Variants in LY86 observed in about 807,000 individuals in gnomAD.
LY86 encodes the protein lymphocyte antigen 86.
A neutral mutation model predicts 17.3 loss-of-function variants in LY86; 20 were observed. That is an observed-to-expected ratio of 1.15 (90% CI 0.81 to 1.68). The LOEUF is 1.68. LY86 is among the 40% of genes most tolerant of loss of function. LY86 has a pLI of 0.00. For synonymous variants in LY86, 74 were observed against 70.6 expected (o/e 1.05, Z -0.24); for missense variants, 200 against 191.9 (o/e 1.04, Z -0.25).
At chr6:6,598,242 A>G (rs1760780600) in intron 1 of LY86, among the ~76,000 whole-genome samples, 2 of 152,096 alleles carry the variant, frequency 1.3e-5, no homozygotes, top group Admixed American at 6.5e-5. Flanking sequence ...AATTTGTCTT[A>G]TAAATTTCAA....
At chr6:6,606,799 C>T (rs893326854) in intron 1 of LY86, among the ~76,000 whole-genome samples, 6 of 152,372 alleles carry the variant, frequency 3.9e-5, no homozygotes, top group Admixed American at 3.3e-4. Flanking sequence ...TTCCCGCTTA[C>T]GCCTCTCCCT....
intron 3 of LY86, among the ~76,000 whole-genome samples, chr6:6,644,951 T>C (rs2113160847): frequency 6.6e-6 from 1 of 152,230 alleles, no homozygotes; most frequent in East Asian, 1.9e-4. Flanking sequence ...CTCAAGAACT[T>C]CATGAGCCCC....
chr6:6,596,350 C>T (rs1760712084), intron 1 of LY86, among the ~76,000 whole-genome samples: 1 of 152,042 alleles, frequency 6.6e-6, no homozygotes, highest in Non-Finnish European at 1.5e-5. Flanking sequence ...TCCTCAGAAC[C>T]TAATAATTCT....
At chr6:6,639,701 C>T (rs1351930088) in intron 3 of LY86, among the ~76,000 whole-genome samples, 1 of 152,152 alleles carries the variant, frequency 6.6e-6, no homozygotes, top group African/African-American at 2.4e-5. Context: ...CCCCCTGGGC[C>T]ACACAGGGTA....
intron 1 of LY86, among the ~76,000 whole-genome samples, chr6:6,604,590 TA>T (rs1270582868): frequency 6.7e-6 from 1 of 150,098 alleles, no homozygotes; most frequent in Admixed American, 6.6e-5. Context: ...TAGAAGAAAA[TA>T]GGGGAAAAGG....
chr6:6,650,036 G>C (rs1406887099), intron 4 of LY86, among the ~76,000 whole-genome samples: 3 of 152,188 alleles, frequency 2.0e-5, no homozygotes, highest in Admixed American at 6.5e-5. Context: ...GCTGGGCTGT[G>C]TGGGCGGCAC....
chr6:6,601,949 T>C (rs1402052274), intron 1 of LY86, among the ~76,000 whole-genome samples: 1 of 152,188 alleles, frequency 6.6e-6, no homozygotes, highest in Admixed American at 6.5e-5. Context: ...GTTTCAACAT[T>C]GCGCAGACCA....
At chr6:6,602,870 T>C (rs770623306) in intron 1 of LY86, among the ~76,000 whole-genome samples, 5 of 152,146 alleles carry the variant, frequency 3.3e-5, no homozygotes, top group Admixed American at 6.5e-5. Flanking sequence ...AGCAAAGAGT[T>C]ATAGGTGTTT....
chr6:6,626,993 G>T (rs1177895797), intron 3 of LY86, among the ~76,000 whole-genome samples: 1 of 152,164 alleles, frequency 6.6e-6, no homozygotes, highest in Non-Finnish European at 1.5e-5. Flanking sequence ...CAGCCTTGAA[G>T]AAAGGGCAGG....
At chr6:6,613,873 A>G (rs1284855877) in intron 1 of LY86, among the ~76,000 whole-genome samples, 1 of 152,228 alleles carries the variant, frequency 6.6e-6, no homozygotes, top group African/African-American at 2.4e-5. Context: ...ACACTTAACC[A>G]GCTCCCACAG....
intron 4 of LY86, among the ~76,000 whole-genome samples, chr6:6,653,996 C>G (rs1762224085): frequency 6.6e-6 from 1 of 152,180 alleles, no homozygotes; most frequent in South Asian, 2.1e-4. Flanking sequence ...CCTCTCCTGA[C>G]CAGAGTCCCT....
chr6:6,651,220 T>C (rs1277371261), intron 4 of LY86, among the ~76,000 whole-genome samples: 2 of 152,232 alleles, frequency 1.3e-5, no homozygotes, highest in South Asian at 4.1e-4. Context: ...TTTAAATAGT[T>C]TTGTTTACAA....
chr6:6,613,822 C>T (rs1277631241), intron 1 of LY86, among the ~76,000 whole-genome samples: 1 of 152,240 alleles, frequency 6.6e-6, no homozygotes, highest in Non-Finnish European at 1.5e-5. Flanking sequence ...CTTACTTTCC[C>T]TGCCTGATGG....
intron 1 of LY86, among the ~76,000 whole-genome samples, chr6:6,600,268 T>C (rs1402481517): frequency 6.6e-6 from 1 of 152,040 alleles, no homozygotes; most frequent in East Asian, 1.9e-4. Context: ...AGTAAACACA[T>C]AACCATGACA....
chr6:6,640,918 C>T (rs1288325610), intron 3 of LY86, among the ~76,000 whole-genome samples: 5 of 151,912 alleles, frequency 3.3e-5, no homozygotes, highest in African/African-American at 7.3e-5. Flanking sequence ...AGTGAAAGGC[C>T]GTAAAATAAA....
chr6:6,597,026 G>A (rs752884890), intron 1 of LY86, among the ~76,000 whole-genome samples: 1 of 152,096 alleles, frequency 6.6e-6, no homozygotes, highest in Non-Finnish European at 1.5e-5. Context: ...CTCATGTTTT[G>A]GGAGGAGAAT....
chr6:6,643,225 T>C (rs1353723007), intron 3 of LY86, among the ~76,000 whole-genome samples: 1 of 152,120 alleles, frequency 6.6e-6, no homozygotes, highest in Non-Finnish European at 1.5e-5. Context: ...CCACCGACAG[T>C]GGGAATTTCT....
intron 1 of LY86, among the ~76,000 whole-genome samples, chr6:6,611,694 G>T (rs1332915003): frequency 2.0e-5 from 3 of 152,232 alleles, no homozygotes; most frequent in Non-Finnish European, 2.9e-5. Flanking sequence ...CGCCGGTCGT[G>T]TTTGTCCCCC....
intron 1 of LY86, among the ~76,000 whole-genome samples, chr6:6,597,857 T>G (rs1413852667): frequency 1.3e-5 from 2 of 152,278 alleles, no homozygotes; most frequent in African/African-American, 4.8e-5. Context: ...TCACAAGGTC[T>G]GCCTGGTTAG....
Sources: gnomAD v4.1 joint callset for allele counts (sites outside exome capture counted in the v4.1 genomes callset) on GRCh38, gnomAD v4.1.1 for gene constraint, MANE v1.5 for transcripts, NCBI Gene and HGNC (gene_info 2026-07-23, HGNC 2026-07-21) for gene names.